CCSER1: variants seen among roughly 807,000 people sequenced by gnomAD.
CCSER1 encodes coiled-coil serine rich protein 1.
Under a neutral mutation model 82.0 loss-of-function variants are expected in CCSER1, and 41 were observed. The observed-to-expected ratio is 0.50, with a 90% CI of 0.39 to 0.65. The LOEUF (loss-of-function observed/expected upper bound fraction) is 0.65. Among genes scored for constraint, CCSER1 ranks in the 30% least tolerant of loss-of-function variants. The probability of loss-of-function intolerance (pLI) is 0.00; values close to 1 mark genes in which losing one functional copy is unlikely to be tolerated. For synonymous variants in CCSER1, 414 were observed against 383.9 expected (o/e 1.08, Z -0.92); for missense variants, 1,119 against 1,064.2 (o/e 1.05, Z -0.72).
At chr4:90,646,686 G>T (rs143646561) in intron 6 of CCSER1, among the ~76,000 whole-genome samples, 173 of 152,202 alleles carry the variant, frequency 1.1e-3, no homozygotes, top group African/African-American at 4.0e-3. Context: ...CTACTTTTAG[G>T]CTCTGACTTT....
At chr4:90,323,750 T>G (rs1407537975) in intron 3 of CCSER1, among the ~76,000 whole-genome samples, 8 of 152,130 alleles carry the variant, frequency 5.3e-5, no homozygotes, top group Non-Finnish European at 1.2e-4. Flanking sequence ...ACATGTGCCA[T>G]GCTGGTGTGC....
chr4:91,440,697 G>C (rs555136043), intron 10 of CCSER1, among the ~76,000 whole-genome samples: 64 of 151,960 alleles, frequency 4.2e-4, no homozygotes, highest in Non-Finnish European at 7.9e-4. Context: ...TTTTTGAAAG[G>C]ATCAACAACA....
chr4:91,188,604 C>T (rs1734760396), intron 10 of CCSER1, among the ~76,000 whole-genome samples: 1 of 151,896 alleles, frequency 6.6e-6, no homozygotes, highest in African/African-American at 2.4e-5. Context: ...TTTAGTGTAC[C>T]CTGGAACTTA....
At chr4:90,917,558 T>A (rs945358972) in intron 8 of CCSER1, among the ~76,000 whole-genome samples, 1 of 152,110 alleles carries the variant, frequency 6.6e-6, no homozygotes, top group Non-Finnish European at 1.5e-5. Flanking sequence ...ATATACCTAA[T>A]GTTAAATGAC....
intron 1 of CCSER1, among the ~76,000 whole-genome samples, chr4:90,220,087 G>A (rs1560820206): frequency 6.6e-6 from 1 of 152,142 alleles, no homozygotes. Context: ...GAGAGAAAAT[G>A]AGAACACACA....
intron 10 of CCSER1, among the ~76,000 whole-genome samples, chr4:91,154,721 A>G (rs1730628038): frequency 1.3e-5 from 2 of 152,082 alleles, no homozygotes; most frequent in African/African-American, 2.4e-5. Flanking sequence ...GTAACTATGC[A>G]TATGAGATGA....
Position 90,918,634 on chromosome 4 carries a change from G to GATATATATAT in CCSER1, c.2095-4735_2095-4734insTATATATATA, listed in dbSNP as rs1363853552. On this transcript the variant is annotated intron_variant, in intron 8 of 10. Transcript: ENST00000509176. ...TATTATGTCTTTCATGCTCATTCAA[G>GATATATATAT]AGAGATATATATATATATATTAGTA... Among the ~76,000 whole-genome samples the GATATATATAT allele has an allele frequency of 1.1e-4, 16 of 148,962 alleles. No homozygotes were observed. In the East Asian group the frequency reaches 1.2e-3, roughly 11 times the overall value.
At chr4:91,592,031 T>C (rs557089167) in intron 10 of CCSER1, among the ~76,000 whole-genome samples, 5 of 152,292 alleles carry the variant, frequency 3.3e-5, no homozygotes, top group African/African-American at 1.2e-4. Context: ...TCTCAGTAAA[T>C]GCCAGGTACT....
chr4:90,378,739 C>T (rs943284980), intron 3 of CCSER1, among the ~76,000 whole-genome samples: 9 of 152,136 alleles, frequency 5.9e-5, no homozygotes, highest in African/African-American at 2.2e-4. Flanking sequence ...TGGTTTCTGA[C>T]ATAGTTGTTT....
intron 10 of CCSER1, among the ~76,000 whole-genome samples, chr4:91,452,127 C>T (rs1471026579): frequency 6.6e-6 from 1 of 151,958 alleles, no homozygotes; most frequent in Non-Finnish European, 1.5e-5. Context: ...ACTTCTATGG[C>T]AGGAGTCTCA....
In CCSER1 at chr4:90,169,373, T is replaced by G. The variant is rs1731189854; in HGVS notation, c.-42+41542T>G. Among the ~76,000 whole-genome samples, 4 of 152,264 alleles carry G rather than the reference T, an allele frequency of 2.6e-5. No homozygotes were observed. In the South Asian group the frequency reaches 8.3e-4, roughly 32 times the overall value. On this transcript the variant is annotated intron_variant, in intron 1 of 10. Coordinates refer to ENST00000509176, the MANE Select transcript of CCSER1 (RefSeq NM_001145065.2). ...GTTGCCTATCAGCTTAAGGAGATTTTGGGCTGAGACGATGGGGTTTTCTAG... is the reference window on the plus strand; with the variant it reads ...GTTGCCTATCAGCTTAAGGAGATTTGGGGCTGAGACGATGGGGTTTTCTAG...
intron 10 of CCSER1, among the ~76,000 whole-genome samples, chr4:91,543,814 G>A (rs571355562): frequency 2.2e-4 from 34 of 152,204 alleles, no homozygotes; most frequent in South Asian, 1.9e-3. Flanking sequence ...TCTTTGTGGC[G>A]TTCTCTGTAT....
intron 10 of CCSER1, among the ~76,000 whole-genome samples, chr4:91,371,269 C>T (rs1750024979): frequency 1.3e-5 from 2 of 152,098 alleles, no homozygotes; most frequent in Admixed American, 6.5e-5. Context: ...TTTGTACATC[C>T]CCACTTACCG....
chr4:91,343,867 T>A (rs144584990), intron 10 of CCSER1, among the ~76,000 whole-genome samples: 2,280 of 152,262 alleles, frequency 0.015, 26 homozygotes, highest in Non-Finnish European at 0.025. Flanking sequence ...GTTTTCCACA[T>A]GATACTGAAA....
chr4:90,429,636 C>T (rs1022975888), intron 4 of CCSER1, among the ~76,000 whole-genome samples: 17 of 151,592 alleles, frequency 1.1e-4, no homozygotes, highest in Non-Finnish European at 5.9e-5. Flanking sequence ...GACAGTGTTA[C>T]GGACAAGAAT....
intron 7 of CCSER1, among the ~76,000 whole-genome samples, chr4:90,796,029 C>G (rs2100450): frequency 6.6e-6 from 1 of 151,590 alleles, no homozygotes; most frequent in Non-Finnish European, 1.5e-5. Flanking sequence ...GGAGGAGTCT[C>G]TCCTTCTCAG....
At chr4:90,543,556 A>C (rs1477602077) in intron 5 of CCSER1, among the ~76,000 whole-genome samples, 1 of 152,198 alleles carries the variant, frequency 6.6e-6, no homozygotes, top group Non-Finnish European at 1.5e-5. Context: ...AATGTCACAC[A>C]GTAAATAGAT....
intron 9 of CCSER1, among the ~76,000 whole-genome samples, chr4:91,075,350 C>A (rs1721866139): frequency 1.3e-5 from 2 of 151,982 alleles, no homozygotes; most frequent in Admixed American, 6.6e-5. Context: ...ATTTCATATT[C>A]TATAGTGAGA....
At chr4:90,914,476 C>T (rs1472521312) in intron 8 of CCSER1, among the ~76,000 whole-genome samples, 1 of 152,100 alleles carries the variant, frequency 6.6e-6, no homozygotes, top group Non-Finnish European at 1.5e-5. Context: ...ACTAGAATCT[C>T]TGGGACACAT....
Sources: allele counts gnomAD v4.1 joint callset (sites outside exome capture counted in the v4.1 genomes callset), GRCh38; gene constraint gnomAD v4.1.1; transcripts MANE v1.5; gene names NCBI Gene and HGNC (gene_info 2026-07-23, HGNC 2026-07-21).